The following SYNE1 variants were observed in gnomAD, a reference collection of about 807,000 sequenced individuals.
SYNE1 encodes spectrin repeat containing nuclear envelope protein 1, also known as nesprin-1.
Under a neutral mutation model 1,111.0 loss-of-function variants are expected in SYNE1, and 616 were observed. That is an observed-to-expected ratio of 0.55 (90% CI 0.52 to 0.59). The LOEUF (loss-of-function observed/expected upper bound fraction) is 0.59. Among genes scored for constraint, SYNE1 ranks in the 20% least tolerant of loss-of-function variants. SYNE1 has a pLI of 0.00. For synonymous variants in SYNE1, 3,855 were observed against 3,825.8 expected (o/e 1.01, Z -0.28); for missense variants, 10,006 against 10,417.0 (o/e 0.96, Z 1.72).
chr6:152,362,080 C>G, intron 64 of SYNE1, 90 bp downstream of exon 64: 1 of 1,578,642 alleles, frequency 6.3e-7, no homozygotes, highest in Non-Finnish European at 8.7e-7. Flanking sequence ...GTGCACTGCC[C>G]TAGGGTACAC....
intron 93 of SYNE1, among the ~76,000 whole-genome samples, chr6:152,294,686 A>G (rs2094781134): frequency 6.6e-6 from 1 of 152,190 alleles, no homozygotes; most frequent in Non-Finnish European, 1.5e-5. Context: ...GAAACAAATA[A>G]TATAAAGGTT....
At chr6:152,543,282 G>A (rs1206086281) in intron 3 of SYNE1, among the ~76,000 whole-genome samples, 2 of 152,126 alleles carry the variant, frequency 1.3e-5, no homozygotes, top group South Asian at 2.1e-4. Flanking sequence ...GATTTTACTA[G>A]GTCCTACAAT....
intron 66 of SYNE1, among the ~76,000 whole-genome samples, chr6:152,356,586 T>G (rs1264828993): frequency 6.6e-6 from 1 of 150,912 alleles, no homozygotes; most frequent in East Asian, 1.9e-4. Context: ...TGACCCAAAC[T>G]AGGCCTTCAG....
chr6:152,230,770 T>C, intron 114 of SYNE1, 68 bp from the exon 115 acceptor site: 1 of 1,511,014 alleles, frequency 6.6e-7, no homozygotes, highest in Non-Finnish European at 9.1e-7. Context: ...AGCAGACTAA[T>C]TATTCTAGCC....
At position 152,552,528 on chromosome 6, in the gene SYNE1, T is replaced by C. The variant is rs1456458485; in HGVS notation, c.68-12507A>G. Among the ~76,000 whole-genome samples, 5 of 151,710 alleles carry C rather than the reference T, an allele frequency of 3.3e-5. No homozygotes were observed. The South Asian group carries it at 8.3e-4, about 25-fold the overall frequency. On this transcript the variant is annotated intron_variant, in intron 3 of 145. Transcript: ENST00000367255. ...CAATAATTTGACACAATTTCACCTA[T>C]ATTTTATACTACCTGTCCCCTTGAC... is the stretch of plus-strand genomic sequence containing the variant.
chr6:152,254,877 T>C lies in SYNE1; in HGVS notation c.19470+3A>G, dbSNP rs2090443692. On this transcript the variant is annotated splice_donor_region_variant and intron_variant, in intron 104 of 145. Coordinates refer to ENST00000367255, the MANE Select transcript of SYNE1 (RefSeq NM_182961.4). ...ACGTATCCTTTGATAATATCTTACT[T>C]ACCTGGAAATTTAGTATTTGCTGAA... 1.2e-6 allele frequency: 2 copies of C among 1,612,482 alleles called. No homozygotes were observed. Among genetic ancestry groups the C allele is most frequent in the African/African-American group, 1.3e-5 (1 of 74,918 alleles).
At chr6:152,430,075 G>T in intron 36 of SYNE1, 37 bp downstream of exon 36, 1 of 1,404,074 alleles carries the variant, frequency 7.1e-7, no homozygotes. Context: ...CAAATTTTAA[G>T]TTGGTAAATA....
chr6:152,310,096 T>TA (rs367647611), intron 89 of SYNE1, 79 bp from the exon 90 acceptor site: 398 of 1,483,472 alleles, frequency 2.7e-4, no homozygotes, highest in African/African-American at 1.0e-3. Flanking sequence ...AAATTATAGT[T>TA]ACGTTGCAAG....
intron 3 of SYNE1, among the ~76,000 whole-genome samples, chr6:152,544,116 T>TA (rs1217128483): frequency 6.6e-6 from 1 of 152,220 alleles, no homozygotes; most frequent in African/African-American, 2.4e-5. Flanking sequence ...TAAGAAGAGT[T>TA]ATGAGAATTC....
intron 3 of SYNE1, among the ~76,000 whole-genome samples, chr6:152,598,901 C>T (rs552868514): frequency 1.4e-3 from 216 of 152,222 alleles, no homozygotes; most frequent in Admixed American, 3.1e-3. Context: ...AGATGTTTTG[C>T]TGCTGTTCAT....
At chr6:152,336,733 A>G (rs767975431) in intron 76 of SYNE1, 108 bp downstream of exon 76, 2 of 1,383,272 alleles carry the variant, frequency 1.4e-6, no homozygotes, top group Non-Finnish European at 2.0e-6. Context: ...ATTAATGTCT[A>G]AGGATTGACA....
At chr6:152,403,577 C>T (rs573949062) in intron 46 of SYNE1, among the ~76,000 whole-genome samples, 2 of 151,996 alleles carry the variant, frequency 1.3e-5, no homozygotes, top group Non-Finnish European at 2.9e-5. Context: ...AAAAAATTAG[C>T]CTGCCATGGT....
chr6:152,445,229 G>A (rs1055154027), intron 29 of SYNE1, among the ~76,000 whole-genome samples: 19 of 151,806 alleles, frequency 1.3e-4, no homozygotes, highest in Non-Finnish European at 2.2e-4. Context: ...AAGTGAGTCC[G>A]TATTATTTAA....
intron 22 of SYNE1, 47 bp downstream of exon 22, chr6:152,458,710 T>C (rs1175305963): frequency 6.3e-7 from 1 of 1,597,972 alleles, no homozygotes. Context: ...CCTGGTCTTG[T>C]TACACATGCT....
intron 128 of SYNE1, among the ~76,000 whole-genome samples, chr6:152,182,875 T>G (rs1400201145): frequency 6.6e-6 from 1 of 152,138 alleles, no homozygotes; most frequent in Non-Finnish European, 1.5e-5. Context: ...AGTAAAAGTT[T>G]TTCTGGGTTG....
chr6:152,472,241 A>C, intron 15 of SYNE1, 60 bp downstream of exon 15: 2 of 1,062,500 alleles, frequency 1.9e-6, no homozygotes, highest in East Asian at 6.9e-5. Context: ...AAAGAAATAT[A>C]AAAAGCGTCC....
chr6:152,398,368 G>T (rs961803950), intron 49 of SYNE1, among the ~76,000 whole-genome samples: 1 of 152,100 alleles, frequency 6.6e-6, no homozygotes, highest in Non-Finnish European at 1.5e-5. Flanking sequence ...GTTTAGTTTA[G>T]AATGAATTTC....
intron 56 of SYNE1, 140 bp from the exon 57 acceptor site, chr6:152,377,052 C>A: frequency 8.5e-7 from 1 of 1,172,740 alleles, no homozygotes; most frequent in Non-Finnish European, 1.2e-6. Context: ...AGAAATGAAG[C>A]CTGTTTTCAG....
chr6:152,136,483 C>T, intron 141 of SYNE1, 135 bp downstream of exon 141: 1 of 1,073,202 alleles, frequency 9.3e-7, no homozygotes, highest in Non-Finnish European at 1.4e-6. Context: ...AGTTTGGGCA[C>T]AAGGTTATCT....
Sources: gnomAD v4.1 joint callset for allele counts (sites outside exome capture counted in the v4.1 genomes callset) on GRCh38, gnomAD v4.1.1 for gene constraint, MANE v1.5 for transcripts, NCBI Gene and HGNC (gene_info 2026-07-23, HGNC 2026-07-21) for gene names.